PTBP2: variants seen among roughly 807,000 people sequenced by gnomAD.
PTBP2 encodes polypyrimidine tract binding protein 2.
A neutral mutation model predicts 61.4 loss-of-function variants in PTBP2; 13 were observed. The ratio of observed to expected loss-of-function variants is 0.21; its 90% CI spans 0.14 to 0.34. The LOEUF is 0.34. Ranked by LOEUF, PTBP2 falls within the 10% of genes least tolerant of loss-of-function variation. The pLI is 1.00. For missense variants in PTBP2, 405 were observed against 642.6 expected, an observed-to-expected ratio of 0.63 and a Z score of 4.00; for synonymous variants, 215 against 218.5, an observed-to-expected ratio of 0.98 and a Z score of 0.14.
chr1:96,777,314 T>G (rs1658147272), intron 5 of PTBP2, among the ~76,000 whole-genome samples: 1 of 152,206 alleles, frequency 6.6e-6, no homozygotes, highest in Non-Finnish European at 1.5e-5. Flanking sequence ...CTTGTTCTTT[T>G]GAGAATAAAT....
chr1:96,783,300 T>C (rs1179736513), intron 7 of PTBP2, among the ~76,000 whole-genome samples: 1 of 152,010 alleles, frequency 6.6e-6, no homozygotes, highest in Non-Finnish European at 1.5e-5. Flanking sequence ...AATTTACATC[T>C]TGTTTGCTTA....
In PTBP2 at chr1:96,814,922, CCTCTT is replaced by C. The variant is rs1662406587; in HGVS notation, c.*1520_*1524del. On this transcript the variant is annotated 3_prime_UTR_variant, in exon 14 of 14. Coordinates refer to ENST00000674951, the MANE Select transcript of PTBP2 (RefSeq NM_021190.4). ...TCTTTCTCTGCTGCCTTTTCTCTCTCCTCTTCTTTGTTTTCACTCCACTGTGCTTC... is the reference window on the plus strand; with the variant it reads ...TCTTTCTCTGCTGCCTTTTCTCTCTCCTTTGTTTTCACTCCACTGTGCTTC... 1 of 152,530 alleles carries C rather than the reference CCTCTT, an allele frequency of 6.6e-6. No homozygotes were observed. 9.4% of individuals were successfully genotyped at this position (152,530 alleles called of 1,614,324 possible).
chr1:96,762,318 G>GC, intron 3 of PTBP2, among the ~76,000 whole-genome samples: 1 of 151,266 alleles, frequency 6.6e-6, no homozygotes, highest in South Asian at 2.1e-4. Context: ...GGGCAGAGGC[G>GC]CCCCTCACTC....
chr1:96,797,247 T>C (rs1380047381), intron 8 of PTBP2, among the ~76,000 whole-genome samples: 1 of 152,224 alleles, frequency 6.6e-6, no homozygotes, highest in Non-Finnish European at 1.5e-5. Context: ...TGCATCCTTA[T>C]TCTTACCTTT....
At chr1:96,756,251 T>C (rs1338027060) in intron 3 of PTBP2, among the ~76,000 whole-genome samples, 5 of 152,012 alleles carry the variant, frequency 3.3e-5, no homozygotes, top group African/African-American at 4.8e-5. Context: ...AATACAAAAT[T>C]AGCTAGGCGT....
In PTBP2 at chr1:96,751,409, G is replaced by T; in HGVS notation, c.40-16G>T. The T allele has an allele frequency of 6.3e-7, 1 of 1,596,120 alleles. No homozygotes were observed. Among genetic ancestry groups the T allele is most frequent in the Non-Finnish European group, 8.6e-7 (1 of 1,165,104 alleles). On this transcript the variant is annotated splice_polypyrimidine_tract_variant and intron_variant, in intron 2 of 13. Transcript: ENST00000674951. ...ATTTAAAGATGTCTTATGCTAATTT[G>T]TTTTTGTTTTCATAGAGAGGATCTG...
intron 3 of PTBP2, among the ~76,000 whole-genome samples, chr1:96,752,642 ACT>A (rs1488535230): frequency 6.6e-6 from 1 of 152,022 alleles, no homozygotes; most frequent in African/African-American, 2.4e-5. Flanking sequence ...GAAGTGTGTA[ACT>A]CTGGTTTGTC....
At chr1:96,791,834 T>TGTTTTTTTG (rs71590211) in intron 8 of PTBP2, among the ~76,000 whole-genome samples, 1 of 128,810 alleles carries the variant, frequency 7.8e-6, no homozygotes, top group South Asian at 2.7e-4. Flanking sequence ...TGCTTTTTTT[T>TGTTTTTTTG]TTTTTTTTTT....
intron 2 of PTBP2, among the ~76,000 whole-genome samples, chr1:96,729,957 C>G (rs370808157): frequency 1.3e-5 from 2 of 152,002 alleles, no homozygotes; most frequent in African/African-American, 4.8e-5. Context: ...AGGTTGGTCT[C>G]GAACTTGTGA....
At chr1:96,770,591 A>G in intron 4 of PTBP2, 117 bp from the exon 5 acceptor site, 1 of 958,522 alleles carries the variant, frequency 1.0e-6, no homozygotes, top group Non-Finnish European at 1.6e-6. Flanking sequence ...AGAACATTTA[A>G]AAGTAACCTG....
At chr1:96,815,565 A>T (rs1343625694), downstream of PTBP2, 1 of 152,166 alleles carries the variant, frequency 6.6e-6, no homozygotes, top group South Asian at 2.1e-4. Flanking sequence ...ATTGGTATCA[A>T]ATAACTTTGG....
At chr1:96,822,444 G>T (rs1662711505) in exon 14 of PTBP2, 1 of 152,150 alleles carries the variant, frequency 6.6e-6, no homozygotes, top group South Asian at 2.1e-4. Context: ...AGAATAGTCA[G>T]ATTATAGGCT....
At chr1:96,772,920 C>A (rs1180281359) in intron 5 of PTBP2, among the ~76,000 whole-genome samples, 1 of 149,600 alleles carries the variant, frequency 6.7e-6, no homozygotes, top group Non-Finnish European at 1.5e-5. Flanking sequence ...CAAGACCCGC[C>A]TGACCAACAT....
chr1:96,738,243 T>C lies in PTBP2; in HGVS notation c.40-13182T>C, dbSNP rs538611133. On this transcript the variant is annotated intron_variant, in intron 2 of 13. Transcript: ENST00000674951. ...ATTATAAAAAGGAGTGGTATATATA[T>C]ATATAAACTCTTGCTTGGCTTTGGT... 1.8e-4 allele frequency among the ~76,000 whole-genome samples: 28 copies of C among 152,260 alleles called. No individual in the cohort carries two copies. In the South Asian group the frequency reaches 5.4e-3, roughly 29 times the overall value.
At position 96,777,634 on chromosome 1, in the gene PTBP2, C is replaced by A. The variant is rs1188250828; in HGVS notation, c.482C>A (p.Thr161Asn). 3 of 1,613,342 alleles carry A rather than the reference C, an allele frequency of 1.9e-6. No individual in the cohort carries two copies. In the African/African-American group the frequency reaches 4.0e-5, roughly 22 times the overall value. Residue 161 changes from threonine (T) to asparagine (N), a missense_variant, in exon 6 of 14, where the codon ACT becomes AAT. Physicochemically the swap from Thr to Asn is moderately conservative, Grantham distance 65. Around this residue, in one of 4 missense-constraint regions of PTBP2, gnomAD observed 342 missense variants for 491.2 expected, o/e 0.70. Transcript: ENST00000674951. ...GTGACAGCTGTCCAGACAGCAAATACTCCTCTTAGTGGCACCACAGTTAGC... is the reference window on the plus strand; with the variant it reads ...GTGACAGCTGTCCAGACAGCAAATAATCCTCTTAGTGGCACCACAGTTAGC... ...QAVTAVQTAN[T>N]PLSGTTVSES... is the part of the protein sequence containing the mutation.
chr1:96,769,669 T>A (rs201169288), intron 3 of PTBP2, 34 bp from the exon 4 acceptor site: 7 of 1,361,022 alleles, frequency 5.1e-6, no homozygotes, highest in Non-Finnish European at 6.8e-6. Context: ...CTTTTATTGT[T>A]GATATATAAG....
chr1:96,763,185 G>A (rs1222807154), intron 3 of PTBP2, among the ~76,000 whole-genome samples: 6 of 152,142 alleles, frequency 3.9e-5, no homozygotes, highest in Non-Finnish European at 8.8e-5. Flanking sequence ...TGGCGGCTGG[G>A]CAGAGGCTGC....
chr1:96,811,388 T>C (rs1662067703), intron 11 of PTBP2, among the ~76,000 whole-genome samples: 1 of 152,086 alleles, frequency 6.6e-6, no homozygotes. Context: ...TTCCACATTG[T>C]CTTTATCTGT....
intron 5 of PTBP2, 124 bp downstream of exon 5, chr1:96,770,975 A>G (rs1657309954): frequency 2.5e-6 from 2 of 797,480 alleles, no homozygotes; most frequent in East Asian, 2.7e-5. Context: ...GTTATTTTTA[A>G]GGTATTTTCA....
Sources: gnomAD v4.1 joint callset for allele counts (sites outside exome capture counted in the v4.1 genomes callset) on GRCh38, gnomAD v4.1.1 for gene constraint, gnomAD v4.1.1 regional missense constraint, MANE v1.5 for transcripts, NCBI Gene and HGNC (gene_info 2026-07-23, HGNC 2026-07-21) for gene names.